The following FMNL2 variants were observed in gnomAD, a reference collection of about 807,000 sequenced individuals.
FMNL2 encodes formin-like protein 2.
Under a neutral mutation model 130.2 loss-of-function variants are expected in FMNL2, and 51 were observed. The observed-to-expected ratio is 0.39, with a 90% CI of 0.31 to 0.49. The LOEUF is 0.49. Ranked by LOEUF, FMNL2 falls within the 20% of genes least tolerant of loss-of-function variation. The probability of loss-of-function intolerance (pLI) is 0.85; values close to 1 mark genes in which losing one functional copy is unlikely to be tolerated. For missense variants in FMNL2, 977 were observed against 1,316.2 expected (o/e 0.74, Z 3.99); for synonymous variants, 465 against 467.1 (o/e 1.00, Z 0.06).
intron 9 of FMNL2, among the ~76,000 whole-genome samples, chr2:152,589,967 A>G (rs540534474): frequency 0.023 from 404 of 17,210 alleles, 38 homozygotes; most frequent in Non-Finnish European, 0.03. Context: ...ATATATATAT[A>G]TATATATATA....
chr2:152,507,931 C>T (rs971799938), intron 1 of FMNL2, among the ~76,000 whole-genome samples: 4 of 151,872 alleles, frequency 2.6e-5, no homozygotes, highest in South Asian at 2.1e-4. Flanking sequence ...GACCAGAAGA[C>T]GTTTTCTAAA....
intron 1 of FMNL2, among the ~76,000 whole-genome samples, chr2:152,341,867 G>C (rs772091916): frequency 6.6e-6 from 1 of 152,180 alleles, no homozygotes; most frequent in Non-Finnish European, 1.5e-5. Context: ...AAAATGGATG[G>C]TGAGTTCTCC....
chr2:152,636,554 G>A lies in FMNL2; in HGVS notation c.2808G>A (p.Lys936=). The change falls in exon 22 of 26, where the codon AAG becomes AAA. Residue 936 remains lysine, a synonymous_variant. Coordinates refer to ENST00000288670, the MANE Select transcript of FMNL2 (RefSeq NM_052905.4). The part of the protein sequence containing the change: ...LKEFILNNEG[K]LKKLQDDAKI... Reference sequence around the variant, plus strand: ...AGTTCATCCTCAACAATGAGGGGAAGCTGAAGAAGCTGCAGGATGATGCCA... The same window carrying A: ...AGTTCATCCTCAACAATGAGGGGAAACTGAAGAAGCTGCAGGATGATGCCA... 6.4e-7 allele frequency: 1 copy of A among 1,574,576 alleles called. No individual in the cohort carries two copies. Among genetic ancestry groups the A allele is most frequent in the Non-Finnish European group, 8.6e-7 (1 of 1,159,102 alleles).
chr2:152,542,823 A>G lies in FMNL2; in HGVS notation c.282+4A>G, dbSNP rs932643739. The G allele has an allele frequency of 2.5e-6, 4 of 1,613,670 alleles. No homozygotes were observed. Among genetic ancestry groups the G allele is most frequent in the Admixed American group, 1.7e-5 (1 of 60,000 alleles). On this transcript the variant is annotated splice_donor_region_variant and intron_variant, in intron 3 of 25. Coordinates refer to ENST00000288670, the MANE Select transcript of FMNL2 (RefSeq NM_052905.4). ...GGATCCAGCTGTAACCAGGAAGGTA[A>G]GATGGATTTGTTTCCACTCTTTGTT...
At chr2:152,587,606 C>T (rs985887531) in intron 9 of FMNL2, among the ~76,000 whole-genome samples, 1 of 152,138 alleles carries the variant, frequency 6.6e-6, no homozygotes, top group African/African-American at 2.4e-5. Context: ...TGAGAGCCTT[C>T]CCTAGAGAAA....
chr2:152,361,205 CTT>C (rs1683153227), intron 1 of FMNL2, among the ~76,000 whole-genome samples: 3 of 152,038 alleles, frequency 2.0e-5, no homozygotes, highest in South Asian at 4.1e-4. Context: ...ATGTGTATCT[CTT>C]GAGTTTTGCA....
At chr2:152,555,976 T>G (rs890067583) in intron 4 of FMNL2, among the ~76,000 whole-genome samples, 1 of 152,226 alleles carries the variant, frequency 6.6e-6, no homozygotes, top group Non-Finnish European at 1.5e-5. Flanking sequence ...TTTGAATGCC[T>G]TTAGATTCCA....
At chr2:152,496,564 C>T (rs901104987) in intron 1 of FMNL2, among the ~76,000 whole-genome samples, 4 of 152,100 alleles carry the variant, frequency 2.6e-5, no homozygotes, top group Admixed American at 2.6e-4. Flanking sequence ...TTAATTTTAG[C>T]GTTTGTTGAT....
At position 152,575,119 on chromosome 2, in the gene FMNL2, T is replaced by G. The variant is rs1182817412; in HGVS notation, c.597-17T>G. 9 of 1,487,588 alleles carry G rather than the reference T, an allele frequency of 6.1e-6. No homozygotes were observed. Among genetic ancestry groups the G allele is most frequent in the Middle Eastern group, 1.9e-4 (1 of 5,292 alleles). 92.1% of individuals were successfully genotyped at this position (1,487,588 alleles called of 1,614,324 possible). A position where few individuals can be genotyped will look rare whatever the true frequency, so the allele number is the denominator to read the frequency against. ...AGTAACCTGTTGTTTTATAGAAGTT[T>G]CTCTTTTTGTTTGTAGATATAATAC... On this transcript the variant is annotated splice_polypyrimidine_tract_variant and intron_variant, in intron 6 of 25. Transcript: ENST00000288670.
rs558363641 is a variant in FMNL2 at position 152,407,395 on chromosome 2, C to T, written c.117+71675C>T. The stretch of plus-strand genomic sequence containing the variant: ...GAAACCCTTCCAGCCCTGGGCGATG[C>T]GGTGTGTCAGTGTCTGCCTTTCTGC... On this transcript the variant is annotated intron_variant, in intron 1 of 25. Coordinates refer to ENST00000288670, the MANE Select transcript of FMNL2 (RefSeq NM_052905.4). 4.6e-5 allele frequency among the ~76,000 whole-genome samples: 7 copies of T among 152,158 alleles called. No individual in the cohort carries two copies. The East Asian group carries it at 1.2e-3, about 25-fold the overall frequency.
chr2:152,383,517 T>G (rs1372837307), intron 1 of FMNL2, among the ~76,000 whole-genome samples: 1 of 151,982 alleles, frequency 6.6e-6, no homozygotes, highest in Non-Finnish European at 1.5e-5. Context: ...GGATGATAGT[T>G]TGAACACAGG....
chr2:152,402,919 C>T (rs182495358), intron 1 of FMNL2, among the ~76,000 whole-genome samples: 197 of 152,266 alleles, frequency 1.3e-3, no homozygotes, highest in African/African-American at 4.5e-3. Flanking sequence ...ATCCAGGATG[C>T]GGTGTCACAT....
At chr2:152,495,496 A>G (rs983403512) in intron 1 of FMNL2, among the ~76,000 whole-genome samples, 1 of 151,614 alleles carries the variant, frequency 6.6e-6, no homozygotes, top group Non-Finnish European at 1.5e-5. Flanking sequence ...ATAAAAATAT[A>G]AAAATTAGCT....
In FMNL2 at chr2:152,587,274, A is replaced by G. The variant is rs1697135549; in HGVS notation, c.876+6225A>G. 4.6e-5 allele frequency among the ~76,000 whole-genome samples: 7 copies of G among 152,110 alleles called. No individual in the cohort carries two copies. The South Asian group carries it at 1.4e-3, about 31-fold the overall frequency. ...GGTTCCCAGTGAGGCCCTGAGCCCA[A>G]CCCGGATGCAAGGGGAAGGCAATGG... On this transcript the variant is annotated intron_variant, in intron 9 of 25. Coordinates refer to ENST00000288670, the MANE Select transcript of FMNL2 (RefSeq NM_052905.4).
intron 1 of FMNL2, among the ~76,000 whole-genome samples, chr2:152,472,027 A>G (rs1270871595): frequency 6.6e-6 from 1 of 152,230 alleles, no homozygotes; most frequent in Non-Finnish European, 1.5e-5. Flanking sequence ...TGGATTGTGC[A>G]CTAGCCATAA....
chr2:152,592,368 T>G (rs904392853), intron 9 of FMNL2, among the ~76,000 whole-genome samples: 2 of 152,224 alleles, frequency 1.3e-5, no homozygotes, highest in African/African-American at 4.8e-5. Context: ...AGTTCAAATT[T>G]CATTTGAAAT....
chr2:152,375,867 C>CTATA (rs1156878897), intron 1 of FMNL2, among the ~76,000 whole-genome samples: 11 of 113,122 alleles, frequency 9.7e-5, no homozygotes, highest in African/African-American at 2.0e-4. Context: ...CTCTCTCTCT[C>CTATA]TCTCTCTCTC....
Position 152,647,791 on chromosome 2 carries a change from T to C in FMNL2, c.3170-5T>C. The C allele has an allele frequency of 6.2e-7, 1 of 1,613,852 alleles. No homozygotes were observed. Among genetic ancestry groups the C allele is most frequent in the Non-Finnish European group, 8.5e-7 (1 of 1,179,790 alleles). On this transcript the variant is annotated splice_region_variant and splice_polypyrimidine_tract_variant and intron_variant, in intron 25 of 25. Coordinates refer to ENST00000288670, the MANE Select transcript of FMNL2 (RefSeq NM_052905.4). ...ATTCTCTCACTGGCACTCTCCCCTT[T>C]ACAGATCTTAGAAACCAACCATACA...
At chr2:152,395,491 C>T (rs1389638098) in intron 1 of FMNL2, among the ~76,000 whole-genome samples, 3 of 152,164 alleles carry the variant, frequency 2.0e-5, no homozygotes, top group African/African-American at 7.2e-5. Flanking sequence ...TTTTGTGTCT[C>T]CACAATGGTT....
Sources: allele counts gnomAD v4.1 joint callset (sites outside exome capture counted in the v4.1 genomes callset), GRCh38; gene constraint gnomAD v4.1.1; transcripts MANE v1.5; gene names NCBI Gene and HGNC (gene_info 2026-07-23, HGNC 2026-07-21).